The following MCTP1 variants were observed in gnomAD, a reference collection of about 807,000 sequenced individuals.
MCTP1 encodes multiple C2 and transmembrane domain-containing protein 1.
In MCTP1, 69 loss-of-function variants were observed where a neutral mutation model predicts 120.6. The ratio of observed to expected loss-of-function variants is 0.57; its 90% CI spans 0.47 to 0.70. The LOEUF is 0.70. MCTP1 is among the 30% of genes least tolerant of loss of function. MCTP1 has a pLI of 0.00. For synonymous variants in MCTP1, 529 were observed against 493.1 expected (o/e 1.07, Z -0.96); for missense variants, 1,203 against 1,248.8 (o/e 0.96, Z 0.55).
chr5:94,863,219 A>G (rs1228032116), intron 17 of MCTP1, among the ~76,000 whole-genome samples: 1 of 151,760 alleles, frequency 6.6e-6, no homozygotes, highest in Non-Finnish European at 1.5e-5. Context: ...CCAATTGTAG[A>G]TCATTTTGGC....
At chr5:94,786,025 C>T (rs1777602670) in intron 18 of MCTP1, among the ~76,000 whole-genome samples, 1 of 152,030 alleles carries the variant, frequency 6.6e-6, no homozygotes, top group Non-Finnish European at 1.5e-5. Flanking sequence ...AAATACTACA[C>T]TTTGGGAACA....
intron 2 of MCTP1, among the ~76,000 whole-genome samples, chr5:94,996,543 T>A (rs1473945171): frequency 6.6e-6 from 1 of 152,194 alleles, no homozygotes; most frequent in Non-Finnish European, 1.5e-5. Context: ...CCTACACGCA[T>A]CCTCTTAGAC....
chr5:94,890,385 A>G (rs1802315116), intron 11 of MCTP1, among the ~76,000 whole-genome samples: 1 of 152,126 alleles, frequency 6.6e-6, no homozygotes, highest in Non-Finnish European at 1.5e-5. Context: ...ACATTAAACT[A>G]ATTATTTTTT....
At chr5:94,799,518 C>T (rs933598224) in intron 17 of MCTP1, among the ~76,000 whole-genome samples, 2 of 152,084 alleles carry the variant, frequency 1.3e-5, no homozygotes, top group African/African-American at 4.8e-5. Flanking sequence ...AAATGAATCA[C>T]TATTTAATAT....
intron 1 of MCTP1, among the ~76,000 whole-genome samples, chr5:95,160,606 G>C (rs1189562909): frequency 6.6e-6 from 1 of 151,962 alleles, no homozygotes; most frequent in Non-Finnish European, 1.5e-5. Flanking sequence ...TAAACAAATG[G>C]GATTGCATTA....
intron 2 of MCTP1, among the ~76,000 whole-genome samples, chr5:94,980,350 C>T (rs1382484802): frequency 6.6e-6 from 1 of 152,132 alleles, no homozygotes; most frequent in Non-Finnish European, 1.5e-5. Flanking sequence ...TTGGAAGAGA[C>T]TTCGTCCAGT....
intron 19 of MCTP1, among the ~76,000 whole-genome samples, chr5:94,758,682 T>G (rs914486987): frequency 6.6e-6 from 1 of 152,148 alleles, no homozygotes; most frequent in African/African-American, 2.4e-5. Context: ...AAATTTTAAT[T>G]TTTCATATCA....
At chr5:95,167,276 T>C (rs1388481600) in intron 1 of MCTP1, among the ~76,000 whole-genome samples, 1 of 152,236 alleles carries the variant, frequency 6.6e-6, no homozygotes, top group Non-Finnish European at 1.5e-5. Context: ...CCATGGTGTA[T>C]ATGTGCCACA....
At chr5:94,966,774 G>A (rs555532544) in intron 2 of MCTP1, among the ~76,000 whole-genome samples, 3 of 150,824 alleles carry the variant, frequency 2.0e-5, no homozygotes, top group South Asian at 2.1e-4. Context: ...CAGCCTGGGC[G>A]ACAAAGCGAG....
At chr5:95,229,238 G>C (rs1375156250) in intron 1 of MCTP1, among the ~76,000 whole-genome samples, 1 of 152,154 alleles carries the variant, frequency 6.6e-6, no homozygotes, top group African/African-American at 2.4e-5. Flanking sequence ...TTATCCAAAA[G>C]GCAATGTGGA....
At position 94,940,584 on chromosome 5, in the gene MCTP1, A is replaced by G. The variant is rs569363138; in HGVS notation, c.1062-389T>C. ...CGCAAATATATATATATACATATAT[A>G]TGTATATATATATACACATATACAT... On this transcript the variant is annotated intron_variant, in intron 4 of 22. Coordinates refer to ENST00000515393, the MANE Select transcript of MCTP1 (RefSeq NM_024717.7). Among the ~76,000 whole-genome samples the G allele has an allele frequency of 1.9e-4, 23 of 118,558 alleles. No homozygotes were observed. In the East Asian group the frequency reaches 3.6e-3, roughly 18 times the overall value. 77.8% of individuals were successfully genotyped at this position (118,558 alleles called of 152,430 possible).
chr5:95,249,978 C>T (rs192799309), intron 1 of MCTP1, among the ~76,000 whole-genome samples: 21 of 152,068 alleles, frequency 1.4e-4, no homozygotes, highest in Admixed American at 9.2e-4. Flanking sequence ...GGACACAGGG[C>T]GGGGAACATC....
At chr5:95,003,970 GA>G (rs1834199670) in intron 2 of MCTP1, among the ~76,000 whole-genome samples, 1 of 152,138 alleles carries the variant, frequency 6.6e-6, no homozygotes, top group Non-Finnish European at 1.5e-5. Context: ...GAAAAGTTTG[GA>G]ACCTCCTAGA....
intron 2 of MCTP1, among the ~76,000 whole-genome samples, chr5:94,955,880 GAGC>G (rs1448502000): frequency 2.6e-5 from 4 of 152,248 alleles, no homozygotes; most frequent in African/African-American, 9.6e-5. Flanking sequence ...GCTCTGAAGA[GAGC>G]AGCAGATCTC....
chr5:94,847,695 T>C (rs2153222012), intron 17 of MCTP1, among the ~76,000 whole-genome samples: 1 of 149,598 alleles, frequency 6.7e-6, no homozygotes, highest in East Asian at 2.0e-4. Context: ...TATATATATA[T>C]ATATATATAT....
At chr5:95,076,074 A>AT (rs546310473) in intron 1 of MCTP1, among the ~76,000 whole-genome samples, 1 of 152,078 alleles carries the variant, frequency 6.6e-6, no homozygotes, top group Non-Finnish European at 1.5e-5. Context: ...TATATATGCT[A>AT]TTTTTTTCTA....
chr5:95,113,008 A>G (rs1235501569), intron 1 of MCTP1, among the ~76,000 whole-genome samples: 1 of 152,242 alleles, frequency 6.6e-6, no homozygotes, highest in Non-Finnish European at 1.5e-5. Flanking sequence ...TTGAAATAAT[A>G]CAGTATTTTA....
At chr5:95,059,254 T>C (rs1388733877) in intron 1 of MCTP1, among the ~76,000 whole-genome samples, 1 of 151,998 alleles carries the variant, frequency 6.6e-6, no homozygotes, top group African/African-American at 2.4e-5. Context: ...AATCATGTCC[T>C]TTGCAGCAAC....
In MCTP1 at chr5:94,767,367, C is replaced by A. The variant is rs181181056; in HGVS notation, c.2610+11743G>T. On this transcript the variant is annotated intron_variant, in intron 19 of 22. Transcript: ENST00000515393. ...TAAGAACTGGAACAAGACAATGATG[C>A]CCCTGTTCACCACTCTTGTTCAACA... is the stretch of plus-strand genomic sequence containing the variant. 3.6e-3 allele frequency among the ~76,000 whole-genome samples: 546 copies of A among 152,240 alleles called. 3 individuals are homozygous for A. The highest frequency in any genetic ancestry group is 0.013 in the African/African-American group (526 of 41,540).
Sources: allele counts gnomAD v4.1 joint callset (sites outside exome capture counted in the v4.1 genomes callset), GRCh38; gene constraint gnomAD v4.1.1; transcripts MANE v1.5; gene names NCBI Gene and HGNC (gene_info 2026-07-23, HGNC 2026-07-21).